Variants in THSD7A observed in about 807,000 individuals in gnomAD.
THSD7A encodes the protein thrombospondin type-1 domain-containing protein 7A.
In THSD7A, 96 loss-of-function variants were observed where a neutral mutation model predicts 231.3. The observed-to-expected ratio is 0.41, with a 90% CI of 0.35 to 0.49. THSD7A has a LOEUF of 0.49. THSD7A is among the 20% of genes least tolerant of loss of function. The pLI is 0.05. For missense variants in THSD7A, 2,290 were observed against 2,070.2 expected, an observed-to-expected ratio of 1.11 and a Z score of -2.06; for synonymous variants, 940 against 743.3, an observed-to-expected ratio of 1.26 and a Z score of -4.30.
At chr7:11,447,880 T>C (rs1378305713) in intron 11 of THSD7A, among the ~76,000 whole-genome samples, 1 of 152,138 alleles carries the variant, frequency 6.6e-6, no homozygotes, top group African/African-American at 2.4e-5. Context: ...AATTCCTTTA[T>C]AGAAGTGTTT....
rs975117184 is a variant in THSD7A, at chr7:11,446,620, T to C, written c.2801-296A>G. 6.6e-6 allele frequency among the ~76,000 whole-genome samples: 1 copy of C among 152,130 alleles called. No individual in the cohort carries two copies. The highest frequency in any genetic ancestry group is 2.4e-5 in the African/African-American group (1 of 41,440). ...TTATCTCTCACCTTCATAGGCTGTG[T>C]TATATAGTTTCGACAGTCTTCATTA... On this transcript the variant is annotated intron_variant, in intron 12 of 27. Coordinates refer to ENST00000423059, the MANE Select transcript of THSD7A (RefSeq NM_015204.3). This position sits in a 1 kb window ranked among gnomAD's most constrained non-coding sequence, Gnocchi z 4.0.
intron 9 of THSD7A, among the ~76,000 whole-genome samples, chr7:11,465,195 C>G (rs1404468840): frequency 6.6e-6 from 1 of 152,146 alleles, no homozygotes; most frequent in East Asian, 1.9e-4. Context: ...TATTTCACAT[C>G]TTCTCAACTG....
chr7:11,764,654 T>C (rs571083090), intron 1 of THSD7A, among the ~76,000 whole-genome samples: 2 of 151,988 alleles, frequency 1.3e-5, no homozygotes, highest in South Asian at 2.1e-4. Context: ...AGATCAATAA[T>C]TTAAAATATT....
intron 23 of THSD7A, chr7:11,385,644 T>C (rs925024014): frequency 6.6e-6 from 1 of 152,160 alleles, no homozygotes; most frequent in African/African-American, 2.4e-5. Flanking sequence ...TCAACAATTA[T>C]AGTCATATTA....
chr7:11,458,620 C>A (rs1229217528), intron 11 of THSD7A, among the ~76,000 whole-genome samples: 1 of 151,894 alleles, frequency 6.6e-6, no homozygotes, highest in African/African-American at 2.4e-5. Flanking sequence ...AAAGAGACAC[C>A]AGTAATAGGA....
At position 11,590,054 on chromosome 7, in the gene THSD7A, A is replaced by G. The variant is rs143327417; in HGVS notation, c.1453+406T>C. Among the ~76,000 whole-genome samples the G allele has an allele frequency of 1.3e-5, 2 of 152,314 alleles. No individual in the cohort carries two copies. Among genetic ancestry groups the G allele is most frequent in the African/African-American group, 4.8e-5 (2 of 41,578 alleles). On this transcript the variant is annotated intron_variant, in intron 4 of 27. Transcript: ENST00000423059. This position sits in a 1 kb window ranked among gnomAD's most constrained non-coding sequence, Gnocchi z 4.4. ...TATCATAATTAACTTATTTTTAACC[A>G]CATTTTATCCAAATAAGATTTCTTT...
intron 1 of THSD7A, among the ~76,000 whole-genome samples, chr7:11,721,212 C>T (rs1345721670): frequency 6.6e-6 from 1 of 151,790 alleles, no homozygotes; most frequent in East Asian, 2.0e-4. Context: ...ATTCCCACTA[C>T]ACTACCTGAT....
intron 1 of THSD7A, among the ~76,000 whole-genome samples, chr7:11,643,895 G>A (rs1398919560): frequency 6.6e-6 from 1 of 151,794 alleles, no homozygotes; most frequent in Non-Finnish European, 1.5e-5. Flanking sequence ...TTGCAAAAGT[G>A]CCCACCAAAA....
intron 1 of THSD7A, among the ~76,000 whole-genome samples, chr7:11,796,103 A>G (rs1460734088): frequency 1.4e-5 from 2 of 146,060 alleles, no homozygotes; most frequent in African/African-American, 2.5e-5. Context: ...TCTATACTAC[A>G]AAAGTGTAAC....
chr7:11,676,680 T>C (rs1783650600), intron 1 of THSD7A, among the ~76,000 whole-genome samples: 2 of 151,960 alleles, frequency 1.3e-5, no homozygotes, highest in Admixed American at 6.6e-5. Context: ...AGATAGAAGA[T>C]GGACTTAATG....
rs1438923384 is a variant in THSD7A, at chr7:11,373,141, T to C, written c.*2653A>G. ...ATTAATTTATGAATAAAATGTATTT[T>C]TCATAACATTCTATAATTTTGATTT... On this transcript the variant is annotated 3_prime_UTR_variant, in exon 28 of 28. Transcript: ENST00000423059. 1.3e-5 allele frequency: 2 copies of C among 151,956 alleles called. No homozygotes were observed. The highest frequency in any genetic ancestry group is 1.5e-5 in the Non-Finnish European group (1 of 67,930). The allele number at this position is 151,956 out of a possible 1,614,324, so 9.4% of individuals were successfully genotyped here. A position where few individuals can be genotyped will look rare whatever the true frequency, so the allele number is the denominator to read the frequency against.
chr7:11,562,122 C>G (rs1198001135), intron 4 of THSD7A, among the ~76,000 whole-genome samples: 2 of 152,138 alleles, frequency 1.3e-5, no homozygotes, highest in African/African-American at 4.8e-5. Context: ...TAGAGATATT[C>G]ATCTGAAAAT....
At chr7:11,482,594 A>G (rs757927843) in intron 6 of THSD7A, among the ~76,000 whole-genome samples, 1 of 152,238 alleles carries the variant, frequency 6.6e-6, no homozygotes, top group Non-Finnish European at 1.5e-5. Context: ...AGGGAGGGAA[A>G]CAATAGAAAA....
At chr7:11,436,688 T>A (rs1234145854) in intron 13 of THSD7A, among the ~76,000 whole-genome samples, 1 of 151,934 alleles carries the variant, frequency 6.6e-6, no homozygotes, top group South Asian at 2.1e-4. Flanking sequence ...GGTTTTTTTT[T>A]TTTAATTTCC....
chr7:11,406,866 C>CAGAT lies in THSD7A; in HGVS notation c.4062+40_4062+43dup, dbSNP rs1348343426. Reference sequence around the variant, plus strand: ...TGTTTTTCTGCAGATGAAGTCTCTGCAGATAGAGTACACACTTCCTGACAA... The same window carrying CAGAT: ...TGTTTTTCTGCAGATGAAGTCTCTGCAGATAGATAGAGTACACACTTCCTGACAA... On this transcript the variant is annotated intron_variant, in intron 21 of 27. Transcript: ENST00000423059. The surrounding 1 kb of genome is among the most constrained non-coding windows in gnomAD (Gnocchi z 4.7). 1.2e-6 allele frequency: 2 copies of CAGAT among 1,604,560 alleles called. No homozygotes were observed. Among genetic ancestry groups the CAGAT allele is most frequent in the African/African-American group, 2.7e-5 (2 of 74,632 alleles).
chr7:11,616,416 G>A (rs557539558), intron 2 of THSD7A, among the ~76,000 whole-genome samples: 1 of 152,136 alleles, frequency 6.6e-6, no homozygotes, highest in South Asian at 2.1e-4. Context: ...ACCAATAACA[G>A]ATTAAAGTAC....
At chr7:11,514,009 A>T (rs1028591361) in intron 6 of THSD7A, among the ~76,000 whole-genome samples, 1 of 151,820 alleles carries the variant, frequency 6.6e-6, no homozygotes, top group Non-Finnish European at 1.5e-5. Flanking sequence ...CATTTCTCAA[A>T]CATGCTACGT....
chr7:11,620,561 T>C (rs895708838), intron 2 of THSD7A, among the ~76,000 whole-genome samples: 6 of 152,176 alleles, frequency 3.9e-5, no homozygotes, highest in African/African-American at 1.4e-4. Context: ...GGATATTGAA[T>C]GACAACACCC....
intron 2 of THSD7A, among the ~76,000 whole-genome samples, chr7:11,595,543 C>T (rs1001199563): frequency 6.6e-6 from 1 of 152,096 alleles, no homozygotes; most frequent in Non-Finnish European, 1.5e-5. Flanking sequence ...TGCCTGATCT[C>T]CCCTGGTTTA....
Sources: allele counts gnomAD v4.1 joint callset (sites outside exome capture counted in the v4.1 genomes callset), GRCh38; gene constraint gnomAD v4.1.1; non-coding constraint Gnocchi (gnomAD v3.1); transcripts MANE v1.5; gene names NCBI Gene and HGNC (gene_info 2026-07-23, HGNC 2026-07-21).